RAP1A: variants seen among roughly 807,000 people sequenced by gnomAD.
RAP1A encodes ras-related protein Rap-1A.
A neutral mutation model predicts 26.4 loss-of-function variants in RAP1A; 6 were observed. That is an observed-to-expected ratio of 0.23 (90% CI 0.12 to 0.45). RAP1A has a LOEUF of 0.45. Among genes scored for constraint, RAP1A ranks in the 20% least tolerant of loss-of-function variants. The pLI is 0.99. For missense variants in RAP1A, 121 were observed against 217.2 expected (o/e 0.56, Z 2.78); for synonymous variants, 73 against 79.4 (o/e 0.92, Z 0.43).
intron 1 of RAP1A, among the ~76,000 whole-genome samples, chr1:111,638,853 G>T (rs1020079214): frequency 6.7e-6 from 1 of 150,370 alleles, no homozygotes; most frequent in East Asian, 1.9e-4. Flanking sequence ...TTTTGGCTAG[G>T]TGTTGGTTTT....
At chr1:111,624,676 A>T (rs940153474) in intron 1 of RAP1A, among the ~76,000 whole-genome samples, 4 of 152,208 alleles carry the variant, frequency 2.6e-5, no homozygotes, top group African/African-American at 9.6e-5. Context: ...ACAAACATGC[A>T]TATACACATG....
At chr1:111,624,806 A>G (rs2101094669) in intron 1 of RAP1A, among the ~76,000 whole-genome samples, 1 of 152,370 alleles carries the variant, frequency 6.6e-6, no homozygotes, top group African/African-American at 2.4e-5. Context: ...AATACTTGAT[A>G]TACGCATGGA....
intron 1 of RAP1A, among the ~76,000 whole-genome samples, chr1:111,635,606 C>T (rs1485206806): frequency 1.3e-5 from 2 of 151,978 alleles, no homozygotes; most frequent in Non-Finnish European, 2.9e-5. Context: ...ACTCTGTCGC[C>T]CAGGGTGGAG....
At chr1:111,557,748 A>G (rs1286518950) in intron 1 of RAP1A, among the ~76,000 whole-genome samples, 4 of 152,180 alleles carry the variant, frequency 2.6e-5, no homozygotes, top group African/African-American at 7.2e-5. Context: ...ACAGAAATCT[A>G]AAAACAATTG....
intron 1 of RAP1A, among the ~76,000 whole-genome samples, chr1:111,554,867 C>G (rs1657416608): frequency 6.6e-6 from 1 of 152,062 alleles, no homozygotes; most frequent in Non-Finnish European, 1.5e-5. Context: ...AATGTTAGCT[C>G]ACAATTTACA....
chr1:111,556,446 A>G (rs1657495468), intron 1 of RAP1A, among the ~76,000 whole-genome samples: 1 of 152,202 alleles, frequency 6.6e-6, no homozygotes, highest in Admixed American at 6.5e-5. Context: ...AGATATTTGT[A>G]CACCCATGTT....
intron 1 of RAP1A, among the ~76,000 whole-genome samples, chr1:111,632,251 TA>T (rs1659589337): frequency 6.6e-6 from 1 of 151,278 alleles, no homozygotes; most frequent in Non-Finnish European, 1.5e-5. Flanking sequence ...AACTAATGCC[TA>T]CACCCAGGCA....
chr1:111,683,278 CAA>C (rs1661363294), intron 1 of RAP1A, among the ~76,000 whole-genome samples: 1 of 151,970 alleles, frequency 6.6e-6, no homozygotes, highest in South Asian at 2.1e-4. Flanking sequence ...CAAGAGCAAA[CAA>C]ATTCAAAAGC....
At chr1:111,594,952 T>G (rs1658538214) in intron 1 of RAP1A, among the ~76,000 whole-genome samples, 1 of 152,248 alleles carries the variant, frequency 6.6e-6, no homozygotes, top group Admixed American at 6.5e-5. Context: ...CTTCCAGTTC[T>G]CTTATAGGCA....
intron 1 of RAP1A, among the ~76,000 whole-genome samples, chr1:111,593,594 C>A (rs1658509161): frequency 6.8e-6 from 1 of 146,422 alleles, no homozygotes; most frequent in Non-Finnish European, 1.5e-5. Context: ...CCCCATAGGG[C>A]CAGCTTTGCT....
Position 111,715,084 on chromosome 1 carries a change from ACTT to A in RAP1A, c.*2684_*2686del, listed in dbSNP as rs1662495460. On this transcript the variant is annotated 3_prime_UTR_variant, in exon 8 of 8. Transcript: ENST00000369709. ...AGGGGGAGCTTCAACATCGGTTAAT[ACTT>A]TTTTTTTTTTTGAGATGGAGTCTCG... The A allele has an allele frequency of 7.0e-6, 1 of 143,580 alleles. No individual in the cohort carries two copies. Among genetic ancestry groups the A allele is most frequent in the African/African-American group, 2.5e-5 (1 of 39,834 alleles). 8.9% of individuals were successfully genotyped at this position (143,580 alleles called of 1,614,324 possible).
intron 1 of RAP1A, among the ~76,000 whole-genome samples, chr1:111,633,585 T>A (rs187356466): frequency 3.3e-4 from 51 of 152,354 alleles, no homozygotes; most frequent in Non-Finnish European, 5.0e-4. Flanking sequence ...GACTTTAGTA[T>A]CTCGAAATTG....
intron 1 of RAP1A, among the ~76,000 whole-genome samples, chr1:111,666,387 A>G (rs1318898644): frequency 1.3e-5 from 2 of 152,184 alleles, no homozygotes; most frequent in Non-Finnish European, 2.9e-5. Context: ...ACATGTGCAT[A>G]TATTAGTTTC....
chr1:111,697,277 G>T (rs796594074), intron 3 of RAP1A, among the ~76,000 whole-genome samples, 164 bp from the exon 4 acceptor site: 1 of 152,116 alleles, frequency 6.6e-6, no homozygotes, highest in South Asian at 2.1e-4. Flanking sequence ...ACTTGAGACC[G>T]CTGTTCTTTA....
intron 1 of RAP1A, among the ~76,000 whole-genome samples, chr1:111,548,691 A>C (rs1432548462): frequency 2.6e-5 from 4 of 152,224 alleles, no homozygotes. Context: ...ATGGTCTGCC[A>C]CCGTAGGCTT....
chr1:111,706,800 A>G, intron 6 of RAP1A: 1 of 887,014 alleles, frequency 1.1e-6, no homozygotes, highest in Non-Finnish European at 1.4e-6. Flanking sequence ...TTCCAAAGAA[A>G]TAATTTAGAA....
intron 4 of RAP1A, among the ~76,000 whole-genome samples, chr1:111,700,628 C>T (rs1248797568): frequency 5.9e-5 from 9 of 152,160 alleles, no homozygotes; most frequent in African/African-American, 1.4e-4. Flanking sequence ...TTCTGAACTT[C>T]GAGCTCTTAT....
At chr1:111,619,405 C>G (rs1319224333), upstream of RAP1A, among the ~76,000 whole-genome samples, 1 of 152,220 alleles carries the variant, frequency 6.6e-6, no homozygotes, top group South Asian at 2.1e-4. Context: ...AGCATGCAAG[C>G]TGCAAGAGGG....
intron 1 of RAP1A, among the ~76,000 whole-genome samples, chr1:111,593,590 AG>A (rs899041674): frequency 3.4e-5 from 5 of 145,444 alleles, no homozygotes; most frequent in Admixed American, 2.8e-4. Context: ...GCTGCCCCAT[AG>A]GGCCAGCTTT....
Sources: gnomAD v4.1 joint callset for allele counts (sites outside exome capture counted in the v4.1 genomes callset) on GRCh38, gnomAD v4.1.1 for gene constraint, MANE v1.5 for transcripts, NCBI Gene and HGNC (gene_info 2026-07-23, HGNC 2026-07-21) for gene names.